WNT4: variants seen among roughly 807,000 people sequenced by gnomAD.
WNT4 encodes protein Wnt-4.
Under a neutral mutation model 34.5 loss-of-function variants are expected in WNT4, and 16 were observed. The ratio of observed to expected loss-of-function variants is 0.46; its 90% CI spans 0.31 to 0.70. WNT4 has a LOEUF of 0.70. Among genes scored for constraint, WNT4 ranks in the 30% least tolerant of loss-of-function variants. The pLI is 0.04. For synonymous variants in WNT4, 200 were observed against 211.9 expected (o/e 0.94, Z 0.49); for missense variants, 379 against 495.9 (o/e 0.76, Z 2.24).
rs1646006264 is a variant in WNT4, at chr1:22,134,385, T to G, written c.78-4534A>C. On this transcript the variant is annotated intron_variant, in intron 1 of 4. Coordinates refer to ENST00000290167, the MANE Select transcript of WNT4 (RefSeq NM_030761.5). This position sits in a 1 kb window ranked among gnomAD's most constrained non-coding sequence, Gnocchi z 4.1. Reference sequence around the variant, plus strand: ...GTGTTCTTAGGGGGATGGTACCTGGTTTCCCAAGATCCTAACCATACCCCC... The same window carrying G: ...GTGTTCTTAGGGGGATGGTACCTGGGTTCCCAAGATCCTAACCATACCCCC... 6.6e-6 allele frequency among the ~76,000 whole-genome samples: 1 copy of G among 152,126 alleles called. No homozygotes were observed. The highest frequency in any genetic ancestry group is 2.4e-5 in the African/African-American group (1 of 41,424).
rs1034309236 is a variant in WNT4, at chr1:22,140,558, C to T, written c.77+2288G>A. Among the ~76,000 whole-genome samples, 2 of 152,212 alleles carry T rather than the reference C, an allele frequency of 1.3e-5. No homozygotes were observed. Among genetic ancestry groups the T allele is most frequent in the Non-Finnish European group, 2.9e-5 (2 of 68,042 alleles). ...TTTATCATGTCTTTCTACCTAGACT[C>T]CAGGCTTGTGGGAGGCCAGGCTGTG... On this transcript the variant is annotated intron_variant, in intron 1 of 4. Coordinates refer to ENST00000290167, the MANE Select transcript of WNT4 (RefSeq NM_030761.5). The surrounding 1 kb of genome is among the most constrained non-coding windows in gnomAD (Gnocchi z 5.9).
At chr1:22,126,687 T>A (rs1488722790) in intron 2 of WNT4, among the ~76,000 whole-genome samples, 1 of 152,184 alleles carries the variant, frequency 6.6e-6, no homozygotes, top group East Asian at 1.9e-4. Context: ...GTATGCAGGC[T>A]CCGGCCATGC....
chr1:22,142,280 C>T lies in WNT4; in HGVS notation c.77+566G>A, dbSNP rs12093199. ...AAGGCCCGGCCAGCGCCAGCGCCAG[C>T]CCCGGGCCCTGGGAGACCAGGCGTC... On this transcript the variant is annotated intron_variant, in intron 1 of 4. Transcript: ENST00000290167. The surrounding 1 kb of genome is among the most constrained non-coding windows in gnomAD (Gnocchi z 6.0). 0.012 allele frequency among the ~76,000 whole-genome samples: 1,881 copies of T among 152,070 alleles called. 42 individuals carry two copies. The highest frequency in any genetic ancestry group is 0.043 in the African/African-American group (1,774 of 41,494).
intron 1 of WNT4, among the ~76,000 whole-genome samples, chr1:22,135,517 GC>G (rs1453369616): frequency 2.6e-5 from 4 of 152,168 alleles, no homozygotes; most frequent in Non-Finnish European, 5.9e-5. Flanking sequence ...TCTTTCTAGA[GC>G]CCCATGTCTT....
Position 22,134,197 on chromosome 1 carries a change from T to A in WNT4, c.78-4346A>T, listed in dbSNP as rs555099563. 8.5e-5 allele frequency among the ~76,000 whole-genome samples: 13 copies of A among 152,194 alleles called. No homozygotes were observed. The highest frequency in any genetic ancestry group is 1.6e-4 in the Non-Finnish European group (11 of 67,988). The stretch of plus-strand genomic sequence containing the variant: ...GCCTCCCTGCCTGCCTGGGCCACAT[T>A]TAGAGCCTCCTCAGGAGCGGTCGTG... On this transcript the variant is annotated intron_variant, in intron 1 of 4. Coordinates refer to ENST00000290167, the MANE Select transcript of WNT4 (RefSeq NM_030761.5). This position sits in a 1 kb window ranked among gnomAD's most constrained non-coding sequence, Gnocchi z 4.1.
Position 22,127,365 on chromosome 1 carries a change from C to T in WNT4, c.313+2251G>A, listed in dbSNP as rs749083102. The T allele has an allele frequency of 5.6e-6, 3 of 533,044 alleles. No individual in the cohort carries two copies. The African/African-American group carries it at 5.8e-5, about 10-fold the overall frequency. The allele number at this position is 533,044 out of a possible 1,614,324, so 33.0% of individuals were successfully genotyped here. On this transcript the variant is annotated intron_variant, in intron 2 of 4. Transcript: ENST00000290167. The stretch of plus-strand genomic sequence containing the variant: ...ATGGGGTCCTGAGTACCCACGATGG[C>T]TTCAGGCCAGCATTGCCCCAGGCTA...
In WNT4 at chr1:22,142,425, C is replaced by T. The variant is rs1469419221; in HGVS notation, c.77+421G>A. The stretch of plus-strand genomic sequence containing the variant: ...GCAGCTCGGCGCTGGGAGCTCGCTC[C>T]GGACTTCTCGGGATTAACCTGCTAT... On this transcript the variant is annotated intron_variant, in intron 1 of 4. Coordinates refer to ENST00000290167, the MANE Select transcript of WNT4 (RefSeq NM_030761.5). This position sits in a 1 kb window ranked among gnomAD's most constrained non-coding sequence, Gnocchi z 6.0. 6.6e-6 allele frequency among the ~76,000 whole-genome samples: 1 copy of T among 151,248 alleles called. No individual in the cohort carries two copies. Among genetic ancestry groups the T allele is most frequent in the African/African-American group, 2.4e-5 (1 of 41,352 alleles).
chr1:22,141,020 C>A (rs1646061975), intron 1 of WNT4, among the ~76,000 whole-genome samples: 2 of 152,196 alleles, frequency 1.3e-5, no homozygotes, highest in Admixed American at 6.5e-5. Context: ...GTGGTGATGC[C>A]ACCGGGCCAT....
At chr1:22,128,681 G>A (rs1204336346) in intron 2 of WNT4, among the ~76,000 whole-genome samples, 1 of 152,010 alleles carries the variant, frequency 6.6e-6, no homozygotes, top group Non-Finnish European at 1.5e-5. Context: ...GAGCGGGACG[G>A]CCTGGGGTTG....
chr1:22,129,643 G>T lies in WNT4; in HGVS notation c.286C>A (p.Pro96Thr). Residue 96 changes from proline (P) to threonine (T), a missense_variant, in exon 2 of 5, where the codon CCC becomes ACC. This residue lies in a region of WNT4 where 313 missense variants were observed against 445.8 expected (regional missense o/e 0.70). Coordinates refer to ENST00000290167, the MANE Select transcript of WNT4 (RefSeq NM_030761.5). ...TGCGTCACCACCTTGCCGAAGACGG[G>T]CAAGGAGTCGAGTGTGGAGCAGTTC... Reference protein sequence around the residue: ...RWNCSTLDSLPVFGKVVTQGT... With the variant: ...RWNCSTLDSLTVFGKVVTQGT... The T allele has an allele frequency of 6.2e-7, 1 of 1,613,658 alleles. No individual in the cohort carries two copies. The highest frequency in any genetic ancestry group is 8.5e-7 in the Non-Finnish European group (1 of 1,180,002).
chr1:22,133,978 A>G (rs562244867), intron 1 of WNT4, among the ~76,000 whole-genome samples: 2 of 152,384 alleles, frequency 1.3e-5, no homozygotes, highest in South Asian at 4.1e-4. Flanking sequence ...TAAAAAAAAT[A>G]TACAAATTCC....
At chr1:22,123,537 CTCTG>C (rs756860404) in intron 2 of WNT4, among the ~76,000 whole-genome samples, 14 of 152,228 alleles carry the variant, frequency 9.2e-5, no homozygotes, top group Non-Finnish European at 1.9e-4. Context: ...ATGTGCTGGG[CTCTG>C]TCTAAGGACT....
At chr1:22,128,384 A>G (rs926393184) in intron 2 of WNT4, among the ~76,000 whole-genome samples, 3 of 152,186 alleles carry the variant, frequency 2.0e-5, no homozygotes, top group Non-Finnish European at 4.4e-5. Flanking sequence ...CAGGAAGTAG[A>G]AAAAGGGGCC....
In WNT4 at chr1:22,142,905, G is replaced by A; in HGVS notation, c.18C>T (p.Cys6=). Residue 6 remains cysteine, a synonymous_variant, in exon 1 of 5, where the codon TGC becomes TGT. Transcript: ENST00000290167. The surrounding 1 kb of genome is among the most constrained non-coding windows in gnomAD (Gnocchi z 6.0). MSPRS[C]LRSLRLLVFA... is the part of the protein sequence containing the mutation. ...AGACGAGGAGGCGCAGCGAACGCAG[G>A]CACGAGCGGGGACTCATGGTGCCGC... is the stretch of plus-strand genomic sequence containing the variant. 8.3e-7 allele frequency: 1 copy of A among 1,206,856 alleles called. No homozygotes were observed. Among genetic ancestry groups the A allele is most frequent in the Non-Finnish European group, 1.1e-6 (1 of 943,580 alleles). 74.8% of individuals were successfully genotyped at this position (1,206,856 alleles called of 1,614,324 possible).
intron 1 of WNT4, among the ~76,000 whole-genome samples, chr1:22,138,978 G>A (rs1646044131): frequency 6.6e-6 from 1 of 152,224 alleles, no homozygotes; most frequent in African/African-American, 2.4e-5. Context: ...TGCCCCCAGG[G>A]CACGGAAAGG....
In WNT4 at chr1:22,119,180, G is replaced by A. The variant is rs1645872032; in HGVS notation, c.*870C>T. The A allele has an allele frequency of 8.0e-6, 1 of 125,188 alleles. No individual in the cohort carries two copies. Among genetic ancestry groups the A allele is most frequent in the African/African-American group, 3.3e-5 (1 of 30,566 alleles). 7.8% of individuals were successfully genotyped at this position (125,188 alleles called of 1,614,324 possible). On this transcript the variant is annotated 3_prime_UTR_variant, in exon 5 of 5. Coordinates refer to ENST00000290167, the MANE Select transcript of WNT4 (RefSeq NM_030761.5). Reference sequence around the variant, plus strand: ...CTCCCTCTCTCTCGCAGGTGTGTGTGTGTGTCCGTGTGTGTGTGTGTGTGT... The same window carrying A: ...CTCCCTCTCTCTCGCAGGTGTGTGTATGTGTCCGTGTGTGTGTGTGTGTGT...
At chr1:22,123,069 T>C (rs1645914825) in intron 2 of WNT4, among the ~76,000 whole-genome samples, 1 of 152,244 alleles carries the variant, frequency 6.6e-6, no homozygotes, top group South Asian at 2.1e-4. Context: ...TTTTATGCTG[T>C]GGCCGCCCAA....
At position 22,129,640 on chromosome 1, in the gene WNT4, C is replaced by T. The variant is rs760357534; in HGVS notation, c.289G>A (p.Val97Ile). The change falls in exon 2 of 5, where the codon GTC (valine) becomes ATC (isoleucine). Residue 97 changes from valine to isoleucine, a missense_variant. Coordinates refer to ENST00000290167, the MANE Select transcript of WNT4 (RefSeq NM_030761.5). ...WNCSTLDSLP[V>I]FGKVVTQGTR... ...CCTTGCGTCACCACCTTGCCGAAGA[C>T]GGGCAAGGAGTCGAGTGTGGAGCAG... 1.1e-5 allele frequency: 17 copies of T among 1,613,654 alleles called. No individual in the cohort carries two copies. Among genetic ancestry groups the T allele is most frequent in the East Asian group, 4.5e-5 (2 of 44,884 alleles).
chr1:22,139,114 T>A lies in WNT4; in HGVS notation c.77+3732A>T, dbSNP rs181826612. 1.3e-5 allele frequency among the ~76,000 whole-genome samples: 2 copies of A among 152,232 alleles called. No individual in the cohort carries two copies. The highest frequency in any genetic ancestry group is 4.8e-5 in the African/African-American group (2 of 41,536). ...GGGGGTTGCAGCCTAGGATCCTACC[T>A]GTGTTAAATCAGTGGATCTGGGTGG... On this transcript the variant is annotated intron_variant, in intron 1 of 4. Transcript: ENST00000290167. The surrounding 1 kb of genome is among the most constrained non-coding windows in gnomAD (Gnocchi z 4.6).
Sources: gnomAD v4.1 joint callset for allele counts (sites outside exome capture counted in the v4.1 genomes callset) on GRCh38, gnomAD v4.1.1 for gene constraint, gnomAD v4.1.1 regional missense constraint, Gnocchi (gnomAD v3.1) non-coding constraint, MANE v1.5 for transcripts, NCBI Gene and HGNC (gene_info 2026-07-23, HGNC 2026-07-21) for gene names.